SSH2: variants seen among roughly 807,000 people sequenced by gnomAD.
SSH2 encodes protein phosphatase Slingshot homolog 2.
A neutral mutation model predicts 135.2 loss-of-function variants in SSH2; 37 were observed. That is an observed-to-expected ratio of 0.27 (90% CI 0.21 to 0.36). SSH2 has a LOEUF of 0.36. Ranked by LOEUF, SSH2 falls within the 10% of genes least tolerant of loss-of-function variation. SSH2 has a pLI of 1.00. For synonymous variants in SSH2, 628 were observed against 646.2 expected (o/e 0.97, Z 0.43); for missense variants, 1,408 against 1,765.3 (o/e 0.80, Z 3.63).
At chr17:29,784,064 T>C (rs1346244491) in intron 3 of SSH2, among the ~76,000 whole-genome samples, 1 of 9,796 alleles carries the variant, frequency 1.0e-4, no homozygotes, top group African/African-American at 6.8e-4. Flanking sequence ...AGACTCCGTC[T>C]CAAAAAAAAA....
chr17:29,825,842 C>T (rs747162262), intron 2 of SSH2, among the ~76,000 whole-genome samples: 13 of 152,186 alleles, frequency 8.5e-5, no homozygotes, highest in East Asian at 5.8e-4. Context: ...CCACATGATA[C>T]GAAACAAGGC....
intron 14 of SSH2, among the ~76,000 whole-genome samples, chr17:29,640,372 G>A (rs1236403288): frequency 2.0e-5 from 3 of 152,122 alleles, no homozygotes; most frequent in Admixed American, 6.5e-5. Flanking sequence ...CACCACGCCC[G>A]GCCCCTCCAA....
chr17:29,632,355 C>T lies in SSH2; in HGVS notation c.2839G>A (p.Glu947Lys). The change falls in exon 16 of 16, where the codon GAA (glutamate) becomes AAA (lysine). Residue 947 changes from glutamate (E) to lysine (K), a missense_variant. Transcript: ENST00000540801. ...PKGKSDEAPP[E>K]HSFVLKEPEM... ...GGTTCCTTGAGGACAAATGAATGTT[C>T]TGGGGGGGCTTCATCACTTTTCCCT... The T allele has an allele frequency of 6.2e-7, 1 of 1,614,020 alleles. No individual in the cohort carries two copies. The highest frequency in any genetic ancestry group is 8.5e-7 in the Non-Finnish European group (1 of 1,179,884).
At chr17:29,873,928 G>A (rs967446707) in intron 1 of SSH2, among the ~76,000 whole-genome samples, 1 of 152,154 alleles carries the variant, frequency 6.6e-6, no homozygotes, top group Admixed American at 6.5e-5. Context: ...TCCCTTGAGA[G>A]GGAAGTGTTC....
chr17:29,782,798 C>G (rs575650535), intron 3 of SSH2, among the ~76,000 whole-genome samples: 1 of 152,268 alleles, frequency 6.6e-6, no homozygotes, highest in Middle Eastern at 3.4e-3. Flanking sequence ...GTTGGCCAGG[C>G]TGGTCTCGAA....
intron 12 of SSH2, among the ~76,000 whole-genome samples, chr17:29,654,409 T>C (rs2036702231): frequency 6.6e-6 from 1 of 151,640 alleles, no homozygotes; most frequent in African/African-American, 2.4e-5. Flanking sequence ...CCAAGTTCAT[T>C]TGGCCAATTA....
intron 3 of SSH2, among the ~76,000 whole-genome samples, chr17:29,789,570 C>G (rs1309616285): frequency 2.6e-5 from 4 of 152,208 alleles, no homozygotes; most frequent in Non-Finnish European, 5.9e-5. Context: ...TCTCATCACA[C>G]CCACCATGGG....
chr17:29,720,128 T>C (rs1268437453), intron 3 of SSH2, among the ~76,000 whole-genome samples: 2 of 152,254 alleles, frequency 1.3e-5, no homozygotes, highest in East Asian at 3.8e-4. Flanking sequence ...GCATTTTGAA[T>C]TCTTTGCCTG....
chr17:29,769,708 T>C (rs1286693502), intron 3 of SSH2, among the ~76,000 whole-genome samples: 4 of 152,184 alleles, frequency 2.6e-5, no homozygotes, highest in African/African-American at 4.8e-5. Flanking sequence ...AAAAGATGAA[T>C]CAGACTAACA....
chr17:29,904,586 C>T (rs62070263), intron 1 of SSH2, among the ~76,000 whole-genome samples: 63,256 of 151,868 alleles, frequency 0.42, 15,146 homozygotes, highest in East Asian at 0.69. Flanking sequence ...CCTTGAAAAC[C>T]GGCACAAGAC....
chr17:29,916,535 A>C (rs893767835), intron 1 of SSH2, among the ~76,000 whole-genome samples: 3 of 147,314 alleles, frequency 2.0e-5, no homozygotes, highest in Non-Finnish European at 3.0e-5. Flanking sequence ...GGCGTGACTC[A>C]CTGCAACCTT....
chr17:29,828,684 C>A (rs1398103565), intron 2 of SSH2, among the ~76,000 whole-genome samples: 1 of 152,138 alleles, frequency 6.6e-6, no homozygotes, highest in Admixed American at 6.5e-5. Context: ...CTAGAACAAT[C>A]TATTTTGGTA....
rs34597004 is a variant in SSH2, at chr17:29,840,657, T to C, written c.144+8192A>G. Among the ~76,000 whole-genome samples, 246 of 152,300 alleles carry C rather than the reference T, an allele frequency of 1.6e-3. 1 individual carries two copies. Among genetic ancestry groups the C allele is most frequent in the Non-Finnish European group, 2.8e-3 (190 of 68,024 alleles). Reference sequence around the variant, plus strand: ...CTTCTTTTTCTCCAGAGCTGAAGTATGAACTTCATTATGTCTGCAGACAAC... The same window carrying C: ...CTTCTTTTTCTCCAGAGCTGAAGTACGAACTTCATTATGTCTGCAGACAAC... On this transcript the variant is annotated intron_variant, in intron 2 of 15. Transcript: ENST00000540801.
intron 2 of SSH2, among the ~76,000 whole-genome samples, chr17:29,794,148 G>A (rs2628165): frequency 0.59 from 89,836 of 152,010 alleles, 28,705 homozygotes; most frequent in African/African-American, 0.84. Context: ...AACTTCAACA[G>A]TAGTCCATGA....
chr17:29,650,949 T>C (rs959327584), intron 12 of SSH2, 149 bp from the exon 13 acceptor site: 4 of 610,050 alleles, frequency 6.6e-6, no homozygotes, highest in African/African-American at 3.8e-5. Flanking sequence ...TAAGAGGTTA[T>C]ATTTATTTAT....
chr17:29,927,184 T>C (rs1260160003), intron 1 of SSH2, among the ~76,000 whole-genome samples: 2 of 152,198 alleles, frequency 1.3e-5, no homozygotes, highest in Admixed American at 1.3e-4. Flanking sequence ...ATTATTAACA[T>C]TGCCATTAGT....
At chr17:29,808,524 A>G (rs1313029180) in intron 2 of SSH2, among the ~76,000 whole-genome samples, 1 of 152,216 alleles carries the variant, frequency 6.6e-6, no homozygotes, top group African/African-American at 2.4e-5. Context: ...TGTGGTAGGC[A>G]TATCTGGAAT....
At chr17:29,873,084 T>A (rs1034081334) in intron 1 of SSH2, among the ~76,000 whole-genome samples, 2 of 152,118 alleles carry the variant, frequency 1.3e-5, no homozygotes, top group Non-Finnish European at 2.9e-5. Flanking sequence ...TTTTTAAAAT[T>A]AACTTTGGTG....
intron 14 of SSH2, among the ~76,000 whole-genome samples, chr17:29,644,160 C>T (rs1009937404): frequency 2.0e-5 from 3 of 152,216 alleles, no homozygotes; most frequent in African/African-American, 4.8e-5. Flanking sequence ...TCTTCAGCTT[C>T]TCCACCCTGT....
Sources: allele counts gnomAD v4.1 joint callset (sites outside exome capture counted in the v4.1 genomes callset), GRCh38; gene constraint gnomAD v4.1.1; transcripts MANE v1.5; gene names NCBI Gene and HGNC (gene_info 2026-07-23, HGNC 2026-07-21).